The following ARVCF variants were observed in gnomAD, a reference collection of about 807,000 sequenced individuals.
ARVCF encodes splicing regulator ARVCF.
In ARVCF, 66 loss-of-function variants were observed where a neutral mutation model predicts 90.9. The observed-to-expected ratio is 0.73, with a 90% CI of 0.60 to 0.89. The LOEUF (loss-of-function observed/expected upper bound fraction) is 0.89, where lower values mean the gene tolerates loss of function less well. Ranked by LOEUF, ARVCF falls within the 40% of genes least tolerant of loss-of-function variation. ARVCF has a pLI of 0.00. For missense variants in ARVCF, 1,469 were observed against 1,382.3 expected, an observed-to-expected ratio of 1.06 and a Z score of -1.00; for synonymous variants, 653 against 603.4, an observed-to-expected ratio of 1.08 and a Z score of -1.21.
At chr22:20,014,162 G>A (rs896428141) in intron 1 of ARVCF, among the ~76,000 whole-genome samples, 2 of 150,154 alleles carry the variant, frequency 1.3e-5, no homozygotes, top group Non-Finnish European at 3.0e-5. Context: ...TTACAGGTAC[G>A]AGCCACCGTG....
At chr22:19,972,276 C>T in intron 17 of ARVCF, 82 bp downstream of exon 17, 2 of 1,575,402 alleles carry the variant, frequency 1.3e-6, no homozygotes, top group South Asian at 1.1e-5. Flanking sequence ...GCACCATCTA[C>T]ACCCCATAAA....
At chr22:20,013,162 G>A (rs1018679363) in intron 1 of ARVCF, among the ~76,000 whole-genome samples, 5 of 152,254 alleles carry the variant, frequency 3.3e-5, no homozygotes, top group African/African-American at 1.2e-4. Flanking sequence ...CAATGACAAT[G>A]CTGTCCACTA....
chr22:19,980,006 G>A lies in ARVCF; in HGVS notation c.1133C>T (p.Ala378Val), dbSNP rs1352848700. 2.5e-6 allele frequency: 4 copies of A among 1,594,338 alleles called. No homozygotes were observed. Among genetic ancestry groups the A allele is most frequent in the Admixed American group, 1.7e-5 (1 of 57,408 alleles). Residue 378 changes from alanine (A) to valine (V), a missense_variant, in exon 6 of 20, where the codon GCG becomes GTG. Transcript: ENST00000263207. ...GCACAGATGCTGCAGGTAGGCGGCC[G>A]CATTGGCCTTCACGGGGTCCACGGG... ...RHPVDPVKAN[A>V]AAYLQHLCFE...
At chr22:19,971,842 CGG>C (rs1569144336) in intron 18 of ARVCF, 42 bp downstream of exon 18, 1 of 1,601,720 alleles carries the variant, frequency 6.2e-7, no homozygotes, top group Non-Finnish European at 8.5e-7. Context: ...CCCCTAGACA[CGG>C]GGCCTCACCG....
At position 19,979,904 on chromosome 22, in the gene ARVCF, G is replaced by A. The variant is rs1307131490; in HGVS notation, c.1235C>T (p.Pro412Leu). 1.1e-5 allele frequency: 18 copies of A among 1,600,066 alleles called. No homozygotes were observed. The highest frequency in any genetic ancestry group is 2.7e-5 in the African/African-American group (2 of 74,652). ...GGCCCGGCGCCGCACCTCAGCCCGC[G>A]GGTGGTCCAGCAGTGCCACAAGCAG... Reference protein sequence around the residue: ...LPLLVALLDHPRAEVRRRACG... With the variant: ...LPLLVALLDHLRAEVRRRACG... Residue 412 changes from proline to leucine, a missense_variant, in exon 6 of 20, where the codon CCG becomes CTG. Transcript: ENST00000263207.
At chr22:19,968,757 T>A, downstream of ARVCF, 1 of 1,600,714 alleles carries the variant, frequency 6.2e-7, no homozygotes, top group Non-Finnish European at 8.5e-7. Flanking sequence ...GGCCCCCCTC[T>A]CGGGCTCTCT....
intron 19 of ARVCF, 128 bp downstream of exon 19, chr22:19,971,088 G>C: frequency 6.8e-7 from 1 of 1,473,860 alleles, no homozygotes; most frequent in South Asian, 1.2e-5. Context: ...CTGGGCTGCT[G>C]GACTGGAGGC....
intron 2 of ARVCF, among the ~76,000 whole-genome samples, chr22:19,999,764 G>A (rs1944381160): frequency 6.6e-6 from 1 of 152,158 alleles, no homozygotes; most frequent in Non-Finnish European, 1.5e-5. Flanking sequence ...CTCTGAGGCT[G>A]GAGAGGCTGA....
rs765336828 is a variant in ARVCF at position 19,980,128 on chromosome 22, G to C, written c.1011C>G (p.Asp337Glu). The C allele has an allele frequency of 1.0e-5, 16 of 1,592,090 alleles. No individual in the cohort carries two copies. In the African/African-American group the frequency reaches 2.0e-4, roughly 20 times the overall value. ...CTGAGGGCGAGCGCCGCACCAGCCG[G>C]TCCAGGCTGCCCATGCTGCCCCGTT... ...QPERGSMGSLDRLVRRSPSVD... is the reference protein window; with the variant it reads ...QPERGSMGSLERLVRRSPSVD... Residue 337 changes from aspartate to glutamate, a missense_variant, in exon 6 of 20, where the codon GAC (aspartate) becomes GAG (glutamate). Physicochemically the swap from Asp to Glu is conservative, Grantham distance 45 (BLOSUM62 2). Coordinates refer to ENST00000263207, the MANE Select transcript of ARVCF (RefSeq NM_001670.3).
intron 8 of ARVCF, 28 bp downstream of exon 8, chr22:19,977,930 G>A (rs1943253717): frequency 6.3e-7 from 1 of 1,577,166 alleles, no homozygotes; most frequent in Non-Finnish European, 8.6e-7. Context: ...CCAGCCCTTG[G>A]TATGAGGCTG....
At chr22:20,002,326 A>G (rs767473357) in intron 2 of ARVCF, among the ~76,000 whole-genome samples, 4 of 152,196 alleles carry the variant, frequency 2.6e-5, no homozygotes, top group Non-Finnish European at 5.9e-5. Flanking sequence ...GCCTCTCTCT[A>G]TACCAGGCCG....
At position 19,979,633 on chromosome 22, in the gene ARVCF, T is replaced by TA. The variant is rs1335676320; in HGVS notation, c.1396+109dup. On this transcript the variant is annotated intron_variant, in intron 6 of 19. Coordinates refer to ENST00000263207, the MANE Select transcript of ARVCF (RefSeq NM_001670.3). ...GCGTCTCAGCAGCTGCACTCCTGCC[T>TA]ACCGGGTGCTTTCCCAGGCGGTCGC... The TA allele has an allele frequency of 2.1e-6, 3 of 1,436,234 alleles. No individual in the cohort carries two copies. In the African/African-American group the frequency reaches 4.3e-5, roughly 20 times the overall value. The allele number at this position is 1,436,234 out of a possible 1,614,324, so 89.0% of individuals were successfully genotyped here. A position where few individuals can be genotyped will look rare whatever the true frequency, so the allele number is the denominator to read the frequency against.
intron 19 of ARVCF, 81 bp downstream of exon 19, chr22:19,971,135 G>A (rs1049037963): frequency 2.8e-4 from 437 of 1,546,256 alleles, no homozygotes; most frequent in Non-Finnish European, 3.6e-4. Flanking sequence ...AGAGCAGAGC[G>A]TGCAGGCAGC....
chr22:19,994,716 G>A (rs1458843871), intron 2 of ARVCF, among the ~76,000 whole-genome samples: 1 of 131,868 alleles, frequency 7.6e-6, no homozygotes, highest in Non-Finnish European at 1.6e-5. Context: ...TGGATGGATG[G>A]GTGGGTAGGT....
At chr22:19,972,587 G>A (rs1393477533) in intron 16 of ARVCF, 150 bp downstream of exon 16, 1 of 1,138,992 alleles carries the variant, frequency 8.8e-7, no homozygotes, top group South Asian at 1.5e-5. Context: ...CTGTGGGAAG[G>A]GAGTAGCCAA....
rs1444407192 is a variant in ARVCF, at chr22:19,973,681, C to T, written c.2201G>A (p.Arg734His). The T allele has an allele frequency of 3.1e-6, 5 of 1,610,520 alleles. No homozygotes were observed. The highest frequency in any genetic ancestry group is 4.2e-6 in the Non-Finnish European group (5 of 1,179,756). ...KVVRAVAIALRNLSLDRRNKD... is the reference protein window; with the variant it reads ...KVVRAVAIALHNLSLDRRNKD... ...GTTGCGCCGGTCCAGCGAGAGGTTG[C>T]GCAGAGCGATGGCGACGGCGCGCAC... is the stretch of plus-strand genomic sequence containing the variant. The change falls in exon 13 of 20, where the codon CGC (arginine) becomes CAC (histidine). Residue 734 changes from arginine to histidine, a missense_variant. Coordinates refer to ENST00000263207, the MANE Select transcript of ARVCF (RefSeq NM_001670.3).
intron 1 of ARVCF, among the ~76,000 whole-genome samples, chr22:20,011,571 G>T (rs551815085): frequency 6.6e-6 from 1 of 152,168 alleles, no homozygotes; most frequent in Non-Finnish European, 1.5e-5. Flanking sequence ...GGGATCATGG[G>T]GGGTGGGATG....
chr22:20,004,959 GTC>G (rs980331516), intron 2 of ARVCF, among the ~76,000 whole-genome samples: 1 of 152,190 alleles, frequency 6.6e-6, no homozygotes, highest in African/African-American at 2.4e-5. Context: ...ATAGGGGAAA[GTC>G]TTCATGACAC....
At chr22:19,973,915 A>C in intron 12 of ARVCF, 122 bp from the exon 13 acceptor site, 1 of 1,480,764 alleles carries the variant, frequency 6.8e-7, no homozygotes, top group Non-Finnish European at 9.0e-7. Flanking sequence ...CCTACCCCAA[A>C]AGCTCAACGG....
Sources: allele counts gnomAD v4.1 joint callset (sites outside exome capture counted in the v4.1 genomes callset), GRCh38; gene constraint gnomAD v4.1.1; transcripts MANE v1.5; gene names NCBI Gene and HGNC (gene_info 2026-07-23, HGNC 2026-07-21).